The following RASSF3 variants were observed in gnomAD, a reference collection of about 807,000 sequenced individuals.
RASSF3 encodes Ras association domain family member 3, also known as ras association domain-containing protein 3.
RASSF3 carries 19 observed loss-of-function variants against 19.9 expected under a neutral mutation model. The ratio of observed to expected loss-of-function variants is 0.96; its 90% CI spans 0.67 to 1.40. The LOEUF is 1.40. Ranked by LOEUF, RASSF3 falls within the 40% of genes most tolerant of loss-of-function variation. The pLI, the probability that RASSF3 is intolerant of heterozygous loss-of-function variation, is 0.00. For synonymous variants in RASSF3, 110 were observed against 104.2 expected, an observed-to-expected ratio of 1.06 and a Z score of -0.34; for missense variants, 306 against 289.8, an observed-to-expected ratio of 1.06 and a Z score of -0.41.
At chr12:64,571,968 C>A (rs1193100998) in intron 2 of RASSF3, among the ~76,000 whole-genome samples, 1 of 152,168 alleles carries the variant, frequency 6.6e-6, no homozygotes, top group Non-Finnish European at 1.5e-5. Flanking sequence ...GACAAAGGGC[C>A]TTCCACCAAT....
chr12:64,564,969 C>A (rs1299679516), intron 2 of RASSF3, among the ~76,000 whole-genome samples: 1 of 150,928 alleles, frequency 6.6e-6, no homozygotes, highest in Non-Finnish European at 1.5e-5. Flanking sequence ...TTAGTAGAGA[C>A]AGGGTTTTAC....
chr12:64,579,312 T>G (rs1869647657), intron 2 of RASSF3, among the ~76,000 whole-genome samples: 1 of 134,342 alleles, frequency 7.4e-6, no homozygotes, highest in Non-Finnish European at 1.8e-5. Flanking sequence ...TATCTATTAT[T>G]TGGGGGAAGG....
intron 1 of RASSF3, among the ~76,000 whole-genome samples, chr12:64,525,210 C>T (rs1258061724): frequency 6.6e-6 from 1 of 152,062 alleles, no homozygotes; most frequent in Non-Finnish European, 1.5e-5. Flanking sequence ...TGGAAAGCCG[C>T]GGTTGCAGTG....
chr12:64,665,636 A>G (rs1043739367), intron 1 of RASSF3, among the ~76,000 whole-genome samples: 1 of 152,136 alleles, frequency 6.6e-6, no homozygotes, highest in Non-Finnish European at 1.5e-5. Flanking sequence ...CCATGGCAAC[A>G]ACCTGGAAGT....
Position 64,688,433 on chromosome 12 carries a change from G to A in RASSF3, c.437G>A (p.Arg146His), listed in dbSNP as rs368804088. The change falls in exon 3 of 5, where the codon CGT (arginine) becomes CAT (histidine). Residue 146 changes from arginine to histidine, a missense_variant. Physicochemically the swap from Arg to His is conservative, Grantham distance 29. Transcript: ENST00000542104. ...CCTGCCAAGTTTGCACTTTATAAGC[G>A]TTGTCACAGGGAAGACCAAGGTACG... is the stretch of plus-strand genomic sequence containing the variant. ...ESPAKFALYK[R>H]CHREDQVYAC... 1.5e-5 allele frequency: 25 copies of A among 1,613,548 alleles called. No individual in the cohort carries two copies. Among genetic ancestry groups the A allele is most frequent in the East Asian group, 1.3e-4 (6 of 44,890 alleles).
chr12:64,595,844 C>T (rs905510585), intron 2 of RASSF3, among the ~76,000 whole-genome samples: 1 of 152,142 alleles, frequency 6.6e-6, no homozygotes, highest in African/African-American at 2.4e-5. Flanking sequence ...CCCATTCTCC[C>T]TCAAGTCTAG....
chr12:64,684,444 TTTTGAGACAGAG>T (rs1265209399), intron 1 of RASSF3, among the ~76,000 whole-genome samples: 4 of 150,484 alleles, frequency 2.7e-5, no homozygotes, highest in South Asian at 2.1e-4. Flanking sequence ...TGTTTTTTTT[TTTTGAGACAGAG>T]TTTTGCTCTT....
chr12:64,526,243 T>A (rs1447743290), intron 1 of RASSF3, among the ~76,000 whole-genome samples: 1 of 152,230 alleles, frequency 6.6e-6, no homozygotes, highest in Non-Finnish European at 1.5e-5. Flanking sequence ...TTTTGAAATA[T>A]GTACTTATTG....
intron 1 of RASSF3, among the ~76,000 whole-genome samples, chr12:64,650,317 C>G (rs1871896039): frequency 6.6e-6 from 1 of 151,932 alleles, no homozygotes; most frequent in African/African-American, 2.4e-5. Flanking sequence ...ATGACAGGAC[C>G]TTGACAGGTC....
At chr12:64,590,004 G>GAA (rs572265732) in intron 2 of RASSF3, among the ~76,000 whole-genome samples, 15 of 54,380 alleles carry the variant, frequency 2.8e-4, no homozygotes, top group South Asian at 1.8e-3. Context: ...TCGGTCTCAG[G>GAA]AAAAAAAAAA....
chr12:64,587,639 C>T (rs1047326593), intron 2 of RASSF3, among the ~76,000 whole-genome samples: 1 of 152,086 alleles, frequency 6.6e-6, no homozygotes, highest in African/African-American at 2.4e-5. Context: ...TTTTCACTTG[C>T]GAGGTCAGGG....
At chr12:64,529,829 G>A (rs1358452705), upstream of RASSF3, among the ~76,000 whole-genome samples, 4 of 152,170 alleles carry the variant, frequency 2.6e-5, no homozygotes, top group African/African-American at 4.8e-5. Context: ...TAACCAACAT[G>A]TTGTTCACCC....
intron 2 of RASSF3, among the ~76,000 whole-genome samples, chr12:64,595,064 C>CT (rs1171762487): frequency 0.021 from 1,880 of 90,874 alleles, 103 homozygotes; most frequent in East Asian, 0.029. Context: ...CATATGAAAT[C>CT]TTTTTTTTTT....
rs975392335 is a variant in RASSF3 at position 64,643,627 on chromosome 12, T to C, written c.111+32884T>C. ...AGCATGTATAATGTATCATTAAATATAAGAATAGGAAAAAAAAACCGGAAT... is the reference window on the plus strand; with the variant it reads ...AGCATGTATAATGTATCATTAAATACAAGAATAGGAAAAAAAAACCGGAAT... On this transcript the variant is annotated intron_variant, in intron 1 of 4. Coordinates refer to ENST00000542104, the MANE Select transcript of RASSF3 (RefSeq NM_178169.4). 2.0e-5 allele frequency among the ~76,000 whole-genome samples: 3 copies of C among 151,976 alleles called. No individual in the cohort carries two copies. In the South Asian group the frequency reaches 6.2e-4, roughly 31 times the overall value.
intron 2 of RASSF3, among the ~76,000 whole-genome samples, chr12:64,584,071 A>G (rs754178215): frequency 6.6e-6 from 1 of 152,212 alleles, no homozygotes; most frequent in Non-Finnish European, 1.5e-5. Context: ...AATCCAAACC[A>G]TCTGCACTCA....
intron 2 of RASSF3, among the ~76,000 whole-genome samples, chr12:64,571,136 G>A (rs1004034730): frequency 5.9e-5 from 9 of 152,022 alleles, no homozygotes; most frequent in Non-Finnish European, 1.0e-4. Context: ...AGAATTGCTT[G>A]GGAGGTGGAG....
intron 1 of RASSF3, among the ~76,000 whole-genome samples, chr12:64,655,888 G>A (rs907221999): frequency 3.9e-5 from 6 of 151,910 alleles, no homozygotes; most frequent in South Asian, 2.1e-4. Flanking sequence ...TTAGCCGGGC[G>A]TGATTGTGGG....
intron 2 of RASSF3, among the ~76,000 whole-genome samples, chr12:64,686,947 T>G (rs1873379865): frequency 6.6e-6 from 1 of 152,258 alleles, no homozygotes; most frequent in Admixed American, 6.5e-5. Context: ...TATGTAACAC[T>G]TGACAGTTTA....
At chr12:64,523,440 G>C (rs1400282599) in intron 1 of RASSF3, among the ~76,000 whole-genome samples, 1 of 151,938 alleles carries the variant, frequency 6.6e-6, no homozygotes, top group African/African-American at 2.4e-5. Flanking sequence ...GAAAAAATAA[G>C]CTTCTTTGTA....
Sources: gnomAD v4.1 joint callset for allele counts (sites outside exome capture counted in the v4.1 genomes callset) on GRCh38, gnomAD v4.1.1 for gene constraint, MANE v1.5 for transcripts, NCBI Gene and HGNC (gene_info 2026-07-23, HGNC 2026-07-21) for gene names.